ARSJ: variants seen among roughly 807,000 people sequenced by gnomAD.
ARSJ encodes the protein arylsulfatase family member J, also known as arylsulfatase J.
A neutral mutation model predicts 35.9 loss-of-function variants in ARSJ; 26 were observed. The observed-to-expected ratio is 0.72, with a 90% CI of 0.53 to 1.00. The LOEUF is 1.00. Among genes scored for constraint, ARSJ ranks in the 50% least tolerant of loss-of-function variants. The pLI, the probability that ARSJ is intolerant of heterozygous loss-of-function variation, is 0.00. For synonymous variants in ARSJ, 294 were observed against 267.6 expected (o/e 1.10, Z -0.96); for missense variants, 667 against 723.6 (o/e 0.92, Z 0.90).
chr4:113,967,196 C>T (rs1286374914), intron 1 of ARSJ, among the ~76,000 whole-genome samples: 2 of 152,118 alleles, frequency 1.3e-5, no homozygotes, highest in African/African-American at 2.4e-5. Context: ...TCTTTGTTGG[C>T]TGCCACATCT....
chr4:113,978,628 G>C lies in ARSJ; in HGVS notation c.207C>G (p.Ser69Arg). The change falls in exon 1 of 2, where the codon AGC (serine) becomes AGG (arginine). Residue 69 changes from serine (S) to arginine (R), a missense_variant. Transcript: ENST00000315366. ...GATGGGGCTGGGAGGTGGAAGTTGT[G>C]CTGGGCTCTAGTTTCTCTCCAGCTT... ...LAQAGEKLEPSTTSTSQPHLI... is the reference protein window; with the variant it reads ...LAQAGEKLEPRTTSTSQPHLI... The C allele has an allele frequency of 6.2e-7, 1 of 1,614,166 alleles. No individual in the cohort carries two copies. Among genetic ancestry groups the C allele is most frequent in the South Asian group, 1.1e-5 (1 of 91,082 alleles).
intron 1 of ARSJ, among the ~76,000 whole-genome samples, chr4:113,962,264 T>C (rs146489109): frequency 1.4e-3 from 217 of 151,880 alleles, no homozygotes; most frequent in Non-Finnish European, 2.7e-3. Flanking sequence ...TATTAGTGAG[T>C]GGCTGAGCCA....
At chr4:113,920,793 A>G (rs1163406108) in intron 1 of ARSJ, among the ~76,000 whole-genome samples, 1 of 152,156 alleles carries the variant, frequency 6.6e-6, no homozygotes, top group East Asian at 1.9e-4. Context: ...TTTTATATAC[A>G]TCATCCTATT....
chr4:113,965,032 C>T (rs1296120688), intron 1 of ARSJ, among the ~76,000 whole-genome samples: 4 of 152,022 alleles, frequency 2.6e-5, no homozygotes, highest in African/African-American at 9.7e-5. Context: ...AACACTGTAA[C>T]AAAAATAGAA....
chr4:113,934,292 A>G (rs1185427192), intron 1 of ARSJ, among the ~76,000 whole-genome samples: 1 of 151,814 alleles, frequency 6.6e-6, no homozygotes, highest in Admixed American at 6.6e-5. Context: ...CTGCACTCCC[A>G]TGTTTACTGA....
At chr4:113,961,884 T>C (rs959448665) in intron 1 of ARSJ, among the ~76,000 whole-genome samples, 1 of 128,892 alleles carries the variant, frequency 7.8e-6, no homozygotes, top group Non-Finnish European at 1.5e-5. Context: ...TGTGTTTGTC[T>C]CTCTCTCTCT....
At chr4:113,947,758 C>G (rs1725590854) in intron 1 of ARSJ, among the ~76,000 whole-genome samples, 1 of 151,966 alleles carries the variant, frequency 6.6e-6, no homozygotes, top group Admixed American at 6.6e-5. Flanking sequence ...ATAAATTTTA[C>G]CCTTTTTTGT....
chr4:113,924,928 GT>G (rs891549704), intron 1 of ARSJ, among the ~76,000 whole-genome samples: 2 of 151,852 alleles, frequency 1.3e-5, no homozygotes. Flanking sequence ...GCAGGTTGTG[GT>G]TTTTTTTCCT....
intron 1 of ARSJ, among the ~76,000 whole-genome samples, chr4:113,932,499 A>C (rs1294009932): frequency 6.6e-6 from 1 of 152,036 alleles, no homozygotes; most frequent in East Asian, 1.9e-4. Flanking sequence ...TAGAAATCGT[A>C]TCAAATATCT....
intron 1 of ARSJ, among the ~76,000 whole-genome samples, chr4:113,930,641 T>A (rs1433727315): frequency 6.6e-6 from 1 of 152,068 alleles, no homozygotes; most frequent in Non-Finnish European, 1.5e-5. Context: ...TTTTGAAGTA[T>A]AAATACCATT....
chr4:113,940,095 C>T (rs1725048856), intron 1 of ARSJ, among the ~76,000 whole-genome samples: 1 of 151,966 alleles, frequency 6.6e-6, no homozygotes, highest in South Asian at 2.1e-4. Context: ...TTCTTAAAGA[C>T]CTAGAGCCAA....
At chr4:113,904,660 T>C (rs772858760) in intron 1 of ARSJ, among the ~76,000 whole-genome samples, 4 of 152,098 alleles carry the variant, frequency 2.6e-5, no homozygotes. Context: ...AATTTTTTTG[T>C]ATTTTTTTAA....
chr4:113,926,231 C>T (rs113578000), intron 1 of ARSJ, among the ~76,000 whole-genome samples: 24,878 of 151,768 alleles, frequency 0.16, 2,475 homozygotes, highest in Middle Eastern at 0.31. Flanking sequence ...ATTTTCTAAT[C>T]GTGCTTCTTC....
chr4:113,908,013 A>G (rs1161937672), intron 1 of ARSJ, among the ~76,000 whole-genome samples: 1 of 152,182 alleles, frequency 6.6e-6, no homozygotes, highest in African/African-American at 2.4e-5. Context: ...GGGTGACGAT[A>G]TATCTGTACA....
At chr4:113,965,925 C>T (rs1386952355) in intron 1 of ARSJ, among the ~76,000 whole-genome samples, 1 of 151,946 alleles carries the variant, frequency 6.6e-6, no homozygotes, top group South Asian at 2.1e-4. Flanking sequence ...TGTGCAAGAA[C>T]CTGGTGTGTT....
intron 1 of ARSJ, among the ~76,000 whole-genome samples, chr4:113,956,063 C>T (rs192743641): frequency 5.3e-5 from 8 of 152,176 alleles, no homozygotes; most frequent in Admixed American, 3.3e-4. Context: ...GATCCTTCCA[C>T]CTCAGCCTCC....
At chr4:113,971,976 C>G (rs1727279760) in intron 1 of ARSJ, among the ~76,000 whole-genome samples, 1 of 152,212 alleles carries the variant, frequency 6.6e-6, no homozygotes, top group Non-Finnish European at 1.5e-5. Context: ...CTTCTCCTAT[C>G]AGAGTGGCTG....
intron 1 of ARSJ, among the ~76,000 whole-genome samples, chr4:113,940,692 T>A (rs1272148922): frequency 6.6e-6 from 1 of 150,788 alleles, no homozygotes; most frequent in East Asian, 1.9e-4. Context: ...GAGAAGGAGG[T>A]GGAACTACCA....
At chr4:113,941,986 C>T (rs537174424) in intron 1 of ARSJ, among the ~76,000 whole-genome samples, 2 of 151,974 alleles carry the variant, frequency 1.3e-5, no homozygotes, top group South Asian at 4.2e-4. Flanking sequence ...ATATCAACCA[C>T]TTGAAATCCC....
Sources: gnomAD v4.1 joint callset for allele counts (sites outside exome capture counted in the v4.1 genomes callset) on GRCh38, gnomAD v4.1.1 for gene constraint, MANE v1.5 for transcripts, NCBI Gene and HGNC (gene_info 2026-07-23, HGNC 2026-07-21) for gene names.